Variants in CAMKMT observed in about 807,000 individuals in gnomAD.
The protein encoded by CAMKMT is calmodulin-lysine N-methyltransferase.
CAMKMT carries 53 observed loss-of-function variants against 48.0 expected under a neutral mutation model. The ratio of observed to expected loss-of-function variants is 1.10; its 90% confidence interval spans 0.89 to 1.39. The LOEUF (loss-of-function observed/expected upper bound fraction) is 1.39. Ranked by LOEUF, CAMKMT falls within the 40% of genes most tolerant of loss-of-function variation. The pLI is 0.00. For missense variants in CAMKMT, 428 were observed against 402.7 expected (o/e 1.06, Z -0.54); for synonymous variants, 165 against 152.3 (o/e 1.08, Z -0.61).
chr2:44,382,338 A>G (rs1680332181), intron 2 of CAMKMT, among the ~76,000 whole-genome samples: 1 of 152,122 alleles, frequency 6.6e-6, no homozygotes, highest in African/African-American at 2.4e-5. Flanking sequence ...AGAATCTTAT[A>G]GGCCCAGAGA....
intron 3 of CAMKMT, among the ~76,000 whole-genome samples, chr2:44,677,681 C>T (rs1469297078): frequency 6.6e-6 from 1 of 150,778 alleles, no homozygotes; most frequent in East Asian, 1.9e-4. Context: ...GCACTCCAGA[C>T]TGGGCAACAG....
intron 3 of CAMKMT, among the ~76,000 whole-genome samples, chr2:44,626,879 C>G (rs191740962): frequency 1.5e-3 from 225 of 152,266 alleles, no homozygotes; most frequent in African/African-American, 5.3e-3. Flanking sequence ...TTTTCTTGCT[C>G]TAGTGCACTG....
At chr2:44,647,172 G>A (rs1274872541) in intron 3 of CAMKMT, among the ~76,000 whole-genome samples, 2 of 152,018 alleles carry the variant, frequency 1.3e-5, no homozygotes, top group African/African-American at 2.4e-5. Flanking sequence ...TCTCCCCAGT[G>A]GCAGCAATTG....
intron 3 of CAMKMT, among the ~76,000 whole-genome samples, chr2:44,558,601 A>AT (rs2103682724): frequency 6.6e-6 from 1 of 152,296 alleles, no homozygotes; most frequent in South Asian, 2.1e-4. Flanking sequence ...CTACACAGGC[A>AT]TAAAAAAGAA....
At chr2:44,728,752 G>C (rs1369179715) in intron 7 of CAMKMT, among the ~76,000 whole-genome samples, 1 of 150,856 alleles carries the variant, frequency 6.6e-6, no homozygotes. Context: ...TGTGGCATCA[G>C]TTGTAATGTC....
At chr2:44,368,915 G>A (rs188120546) in intron 1 of CAMKMT, among the ~76,000 whole-genome samples, 13 of 152,100 alleles carry the variant, frequency 8.5e-5, no homozygotes, top group Admixed American at 1.3e-4. Context: ...TGTTGCCTGC[G>A]CTGGAGTGCA....
At chr2:44,414,190 A>T (rs1201864066) in intron 3 of CAMKMT, among the ~76,000 whole-genome samples, 1 of 152,166 alleles carries the variant, frequency 6.6e-6, no homozygotes, top group Non-Finnish European at 1.5e-5. Flanking sequence ...GGTTGTTCCA[A>T]AGGAAAGAAA....
chr2:44,626,481 T>G (rs78347550), intron 3 of CAMKMT, among the ~76,000 whole-genome samples: 4,182 of 152,258 alleles, frequency 0.027, 186 homozygotes, highest in African/African-American at 0.095. Flanking sequence ...TTTGGGCTAT[T>G]ATGTCAAAAT....
intron 3 of CAMKMT, among the ~76,000 whole-genome samples, chr2:44,467,571 C>G (rs528547936): frequency 1.5e-4 from 22 of 151,092 alleles, no homozygotes; most frequent in African/African-American, 5.1e-4. Context: ...CAAAGCCAAA[C>G]CAACAAACAA....
intron 8 of CAMKMT, among the ~76,000 whole-genome samples, chr2:44,747,919 C>G (rs1319721024): frequency 6.6e-6 from 1 of 152,044 alleles, no homozygotes; most frequent in Non-Finnish European, 1.5e-5. Flanking sequence ...AATGGTCAAA[C>G]TAGACTGCCA....
At chr2:44,430,347 C>T (rs2104534874) in intron 3 of CAMKMT, among the ~76,000 whole-genome samples, 1 of 151,992 alleles carries the variant, frequency 6.6e-6, no homozygotes, top group East Asian at 1.9e-4. Context: ...TCTGAGCTTT[C>T]AGAGGAAGCT....
At chr2:44,616,379 T>C (rs1233968567) in intron 3 of CAMKMT, among the ~76,000 whole-genome samples, 2 of 152,244 alleles carry the variant, frequency 1.3e-5, no homozygotes, top group Non-Finnish European at 2.9e-5. Context: ...TTGTTCCCCA[T>C]GGAAGAAGAG....
At chr2:44,540,274 G>T (rs1667025395) in intron 3 of CAMKMT, among the ~76,000 whole-genome samples, 1 of 151,946 alleles carries the variant, frequency 6.6e-6, no homozygotes, top group South Asian at 2.1e-4. Context: ...CCCAGATTTT[G>T]TCTGTGAGAA....
intron 3 of CAMKMT, among the ~76,000 whole-genome samples, chr2:44,418,497 CACTGTCA>C (rs1683721918): frequency 6.6e-6 from 1 of 152,084 alleles, no homozygotes; most frequent in Non-Finnish European, 1.5e-5. Context: ...TGATTGAAAA[CACTGTCA>C]TTTCTCCATT....
At chr2:44,628,013 C>A (rs1672591964) in intron 3 of CAMKMT, among the ~76,000 whole-genome samples, 1 of 151,840 alleles carries the variant, frequency 6.6e-6, no homozygotes, top group South Asian at 2.1e-4. Flanking sequence ...CCTTTTTATT[C>A]TTTTAATGTC....
chr2:44,513,075 G>A (rs1482461113), intron 3 of CAMKMT, among the ~76,000 whole-genome samples: 1 of 152,160 alleles, frequency 6.6e-6, no homozygotes, highest in Non-Finnish European at 1.5e-5. Context: ...GAGTGCTTTG[G>A]TAATTTGCTG....
At chr2:44,424,497 C>G (rs1346104712) in intron 3 of CAMKMT, among the ~76,000 whole-genome samples, 4 of 152,118 alleles carry the variant, frequency 2.6e-5, no homozygotes, top group Non-Finnish European at 5.9e-5. Context: ...CACAATGTTT[C>G]CTCATACAAT....
chr2:44,578,084 G>A (rs1669334091), intron 3 of CAMKMT, among the ~76,000 whole-genome samples: 1 of 152,146 alleles, frequency 6.6e-6, no homozygotes, highest in African/African-American at 2.4e-5. Context: ...TCTGCCTTGT[G>A]TCAATTTGGT....
In CAMKMT at chr2:44,707,420, A is replaced by G. The variant is rs1030035618; in HGVS notation, c.514A>G (p.Lys172Glu). ...GLMVAISADV[K>E]EVLLTDGNEK... ...TCAGGTTGCTATTTCTGCAGATGTCAAAGAAGTTCTGTTAACTGATGGGAA... is the reference window on the plus strand; with the variant it reads ...TCAGGTTGCTATTTCTGCAGATGTCGAAGAAGTTCTGTTAACTGATGGGAA... The change falls in exon 6 of 11, where the codon AAA (lysine) becomes GAA (glutamate). Residue 172 changes from lysine to glutamate, a missense_variant. Transcript: ENST00000378494. 7.5e-5 allele frequency: 121 copies of G among 1,612,590 alleles called. 2 individuals carry two copies. The South Asian group carries it at 1.2e-3, about 16-fold the overall frequency.
Sources: allele counts gnomAD v4.1 joint callset (sites outside exome capture counted in the v4.1 genomes callset), GRCh38; gene constraint gnomAD v4.1.1; transcripts MANE v1.5; gene names NCBI Gene and HGNC (gene_info 2026-07-23, HGNC 2026-07-21).